Variants in CCDC178 observed in about 807,000 individuals in gnomAD.
The protein encoded by CCDC178 is coiled-coil domain-containing protein 178.
A neutral mutation model predicts 117.4 loss-of-function variants in CCDC178; 126 were observed. The ratio of observed to expected loss-of-function variants is 1.07; its 90% CI spans 0.93 to 1.24. CCDC178 has a LOEUF of 1.24. CCDC178 is among the 50% of genes most tolerant of loss of function. The pLI is 0.00. For missense variants in CCDC178, 1,030 were observed against 986.9 expected (o/e 1.04, Z -0.59); for synonymous variants, 283 against 313.4 (o/e 0.90, Z 1.02).
At chr18:33,433,279 A>G (rs1204859720) in intron 2 of CCDC178, among the ~76,000 whole-genome samples, 2 of 152,182 alleles carry the variant, frequency 1.3e-5, no homozygotes, top group Non-Finnish European at 1.5e-5. Context: ...GATTCCCTAA[A>G]TGATCTTCCT....
At chr18:33,106,132 A>G (rs1484611121) in intron 20 of CCDC178, among the ~76,000 whole-genome samples, 1 of 151,628 alleles carries the variant, frequency 6.6e-6, no homozygotes, top group Non-Finnish European at 1.5e-5. Flanking sequence ...TATATAATAT[A>G]CTGCTGTCTC....
chr18:33,073,484 A>G (rs2057145166), intron 21 of CCDC178, among the ~76,000 whole-genome samples: 1 of 151,492 alleles, frequency 6.6e-6, no homozygotes, highest in African/African-American at 2.4e-5. Flanking sequence ...TTCCTTTTTT[A>G]TAAAGAGTAC....
chr18:33,030,651 A>T (rs2056323221), intron 21 of CCDC178, among the ~76,000 whole-genome samples: 1 of 152,036 alleles, frequency 6.6e-6, no homozygotes, highest in African/African-American at 2.4e-5. Flanking sequence ...AGATAGATAG[A>T]TGATAGATGA....
chr18:33,250,269 T>G (rs555121673), intron 14 of CCDC178, among the ~76,000 whole-genome samples: 1 of 151,974 alleles, frequency 6.6e-6, no homozygotes, highest in Admixed American at 6.6e-5. Context: ...TCAATAGTAA[T>G]TTATTTTTTG....
intron 6 of CCDC178, among the ~76,000 whole-genome samples, chr18:33,369,843 C>G (rs761233632): frequency 6.6e-6 from 1 of 151,840 alleles, no homozygotes; most frequent in Non-Finnish European, 1.5e-5. Context: ...AAAAAAACAT[C>G]GATTTAATAA....
intron 15 of CCDC178, among the ~76,000 whole-genome samples, chr18:33,234,503 C>G (rs2059405078): frequency 6.6e-6 from 1 of 151,974 alleles, no homozygotes; most frequent in Middle Eastern, 3.2e-3. Flanking sequence ...AAACGTTCAG[C>G]ATAAATAACT....
At chr18:33,065,257 C>T (rs369346031) in intron 21 of CCDC178, among the ~76,000 whole-genome samples, 76 of 152,026 alleles carry the variant, frequency 5.0e-4, no homozygotes, top group Admixed American at 2.1e-3. Flanking sequence ...GTGTCCTCAC[C>T]GCAAATATAT....
chr18:33,127,678 C>T (rs1376314488), intron 20 of CCDC178, among the ~76,000 whole-genome samples: 1 of 152,150 alleles, frequency 6.6e-6, no homozygotes, highest in Admixed American at 6.5e-5. Flanking sequence ...TCGTAATCCA[C>T]CTTCCTCGGC....
chr18:33,384,068 C>G (rs752508781), intron 5 of CCDC178, among the ~76,000 whole-genome samples: 2 of 151,816 alleles, frequency 1.3e-5, no homozygotes, highest in African/African-American at 4.8e-5. Flanking sequence ...ATGATGCAAA[C>G]GTAAGTATCA....
chr18:33,112,143 A>G (rs1023844298), intron 20 of CCDC178, among the ~76,000 whole-genome samples: 34 of 151,876 alleles, frequency 2.2e-4, no homozygotes, highest in African/African-American at 8.2e-4. Flanking sequence ...TAATGAACAT[A>G]GTCTTTCTTA....
At chr18:33,096,262 T>C (rs567342050) in intron 20 of CCDC178, among the ~76,000 whole-genome samples, 4 of 150,282 alleles carry the variant, frequency 2.7e-5, no homozygotes, top group East Asian at 3.9e-4. Flanking sequence ...AGAAAACTGG[T>C]TCTTTTTGGG....
intron 14 of CCDC178, among the ~76,000 whole-genome samples, chr18:33,251,978 G>A (rs956751233): frequency 5.3e-5 from 8 of 151,752 alleles, no homozygotes; most frequent in African/African-American, 1.9e-4. Context: ...ACTAGGTTCT[G>A]TAAGAAGGGA....
intron 21 of CCDC178, among the ~76,000 whole-genome samples, chr18:33,038,484 A>G (rs1403725907): frequency 6.6e-6 from 1 of 151,944 alleles, no homozygotes; most frequent in Non-Finnish European, 1.5e-5. Flanking sequence ...TTAGGAAAGC[A>G]TATTCAGACA....
At chr18:33,270,813 T>C (rs1445877749) in intron 12 of CCDC178, among the ~76,000 whole-genome samples, 1 of 151,580 alleles carries the variant, frequency 6.6e-6, no homozygotes, top group Non-Finnish European at 1.5e-5. Flanking sequence ...ATCATAACTT[T>C]ATAGGTAAAT....
intron 10 of CCDC178, among the ~76,000 whole-genome samples, chr18:33,324,371 T>C (rs1258728735): frequency 2.0e-5 from 3 of 151,930 alleles, no homozygotes; most frequent in East Asian, 3.8e-4. Flanking sequence ...TGTAAGGAAA[T>C]TGCACAATCT....
At position 32,990,309 on chromosome 18, in the gene CCDC178, T is replaced by C. The variant is rs541215517; in HGVS notation, c.2389-15628A>G. On this transcript the variant is annotated intron_variant, in intron 21 of 22. Coordinates refer to ENST00000383096, the MANE Select transcript of CCDC178 (RefSeq NM_001105528.4). ...AAGTAGCAAAAGTTAGTCAAAACAC[T>C]GTATAAGGAAATCAAGTCGGAGACA... 5.3e-5 allele frequency among the ~76,000 whole-genome samples: 8 copies of C among 152,214 alleles called. No homozygotes were observed. The South Asian group carries it at 8.3e-4, about 16-fold the overall frequency.
rs983245865 is a variant in CCDC178 at position 33,191,207 on chromosome 18, A to G, written c.2238+20689T>C. On this transcript the variant is annotated intron_variant, in intron 20 of 22. Coordinates refer to ENST00000383096, the MANE Select transcript of CCDC178 (RefSeq NM_001105528.4). ...GCCACCATAGTGGTACTCTACACAC[A>G]TATCTATTACTGGATTTGCCATATT... 3.3e-5 allele frequency among the ~76,000 whole-genome samples: 5 copies of G among 152,232 alleles called. No homozygotes were observed. In the South Asian group the frequency reaches 8.3e-4, roughly 25 times the overall value.
intron 20 of CCDC178, among the ~76,000 whole-genome samples, chr18:33,100,581 AG>A (rs2057610784): frequency 6.6e-6 from 1 of 152,096 alleles, no homozygotes; most frequent in Admixed American, 6.6e-5. Flanking sequence ...CAAAGTTTCA[AG>A]GAAGCATCAG....
intron 11 of CCDC178, among the ~76,000 whole-genome samples, chr18:33,305,744 C>T (rs887730436): frequency 1.3e-5 from 2 of 152,138 alleles, no homozygotes; most frequent in Non-Finnish European, 1.5e-5. Flanking sequence ...CTTCCTCCCC[C>T]TCCTCCTTCT....
Sources: gnomAD v4.1 joint callset for allele counts (sites outside exome capture counted in the v4.1 genomes callset) on GRCh38, gnomAD v4.1.1 for gene constraint, MANE v1.5 for transcripts, NCBI Gene and HGNC (gene_info 2026-07-23, HGNC 2026-07-21) for gene names.